GP6: variants seen among roughly 807,000 people sequenced by gnomAD.
The protein encoded by GP6 is glycoprotein VI platelet.
Under a neutral mutation model 37.3 loss-of-function variants are expected in GP6, and 45 were observed. The ratio of observed to expected loss-of-function variants is 1.21; its 90% CI spans 0.95 to 1.55. The LOEUF (loss-of-function observed/expected upper bound fraction) is 1.55, where lower values mean the gene tolerates loss of function less well. Ranked by LOEUF, GP6 falls within the 40% of genes most tolerant of loss-of-function variation. GP6 has a pLI of 0.00. For synonymous variants in GP6, 340 were observed against 316.4 expected (o/e 1.07, Z -0.79); for missense variants, 813 against 760.2 (o/e 1.07, Z -0.82).
At position 55,015,166 on chromosome 19, in the gene GP6, C is replaced by G. The variant is rs2073824403; in HGVS notation, c.780-1G>C. The G allele has an allele frequency of 1.9e-6, 3 of 1,555,906 alleles. No homozygotes were observed. Among genetic ancestry groups the G allele is most frequent in the African/African-American group, 1.4e-5 (1 of 73,360 alleles). ...TTGGTGTAGTACTGGCGGGCAGGAC[C>G]TGGAGGAATGAGGAGAGGCAGGAGC... On this transcript the variant is annotated splice_acceptor_variant, in intron 7 of 7. Transcript: ENST00000310373. LOFTEE classifies it high-confidence loss of function.
intron 6 of GP6, among the ~76,000 whole-genome samples, chr19:55,017,151 CTG>C (rs2073906785): frequency 6.7e-6 from 1 of 149,240 alleles, no homozygotes; most frequent in Non-Finnish European, 1.5e-5. Flanking sequence ...GAGTCTCACT[CTG>C]TTGCCCAGGC....
rs2074595901 is a variant in GP6, at chr19:55,032,371, C to T, written c.93G>A (p.Gln31=). Residue 31 remains glutamine, a synonymous_variant, in exon 3 of 8, where the codon CAG becomes CAA. Coordinates refer to ENST00000310373, the MANE Select transcript of GP6 (RefSeq NM_001083899.2). The stretch of plus-strand genomic sequence containing the variant: ...GGGGCACCAGGGAGCTGGGCAGAGC[C>T]TGGAGGGAGGGCTTGGGGAGCGGTC... The T allele has an allele frequency of 6.2e-7, 1 of 1,613,620 alleles. No individual in the cohort carries two copies. Among genetic ancestry groups the T allele is most frequent in the Non-Finnish European group, 8.5e-7 (1 of 1,179,760 alleles).
intron 5 of GP6, among the ~76,000 whole-genome samples, chr19:55,021,736 G>A (rs2146757500): frequency 6.6e-6 from 1 of 152,086 alleles, no homozygotes; most frequent in East Asian, 1.9e-4. Context: ...TAGCCAGGAT[G>A]GTCTCGATCT....
Position 55,024,300 on chromosome 19 carries a change from G to GCACACACACGCACGCA in GP6, c.664+917_664+918insTGCGTGCGTGTGTGTG, listed in dbSNP as rs369345826. ...TGCACACACACACATATGCACGCATGCACACACATATGCACGCACACACAC... is the reference window on the plus strand; with the variant it reads ...TGCACACACACACATATGCACGCATGCACACACACGCACGCACACACACATATGCACGCACACACAC... On this transcript the variant is annotated intron_variant, in intron 5 of 7. Transcript: ENST00000310373. Among the ~76,000 whole-genome samples, 8 of 121,968 alleles carry GCACACACACGCACGCA rather than the reference G, an allele frequency of 6.6e-5. 1 individual carries two copies. The highest frequency in any genetic ancestry group is 9.2e-5 in the African/African-American group (3 of 32,518). 80.0% of individuals were successfully genotyped at this position (121,968 alleles called of 152,430 possible).
At chr19:55,030,771 T>G (rs1187282335) in intron 3 of GP6, among the ~76,000 whole-genome samples, 1 of 152,074 alleles carries the variant, frequency 6.6e-6, no homozygotes, top group East Asian at 1.9e-4. Flanking sequence ...GGAACAGAAA[T>G]AGGATATTAG....
chr19:55,018,888 T>G, intron 5 of GP6, 177 bp from the exon 6 acceptor site: 1 of 674,932 alleles, frequency 1.5e-6, no homozygotes, highest in South Asian at 1.6e-5. Flanking sequence ...ACCGGCTTAG[T>G]AAGAAGCAGA....
At chr19:55,030,690 A>G (rs2074530849) in intron 3 of GP6, among the ~76,000 whole-genome samples, 1 of 152,148 alleles carries the variant, frequency 6.6e-6, no homozygotes, top group Admixed American at 6.5e-5. Flanking sequence ...AGAAATTAGA[A>G]TATTTGCACC....
At chr19:55,028,681 A>T (rs1414970917) in intron 3 of GP6, among the ~76,000 whole-genome samples, 2 of 152,216 alleles carry the variant, frequency 1.3e-5, no homozygotes, top group African/African-American at 4.8e-5. Context: ...AAAAATAAAT[A>T]AAAAACTTGT....
rs183632288 is a variant in GP6, at chr19:55,023,103, T to G, written c.664+2115A>C. ...GAGGCCTCAGGCTCAGACTTCAGAC[T>G]ATATTACAAGGTGATAGTAACCAAA... is the stretch of plus-strand genomic sequence containing the variant. On this transcript the variant is annotated intron_variant, in intron 5 of 7. Transcript: ENST00000310373. Among the ~76,000 whole-genome samples the G allele has an allele frequency of 2.3e-3, 347 of 152,242 alleles. 3 individuals carry two copies. The highest frequency in any genetic ancestry group is 0.019 in the Admixed American group (295 of 15,286).
chr19:55,019,788 C>G (rs1265699486), intron 5 of GP6, among the ~76,000 whole-genome samples: 1 of 151,262 alleles, frequency 6.6e-6, no homozygotes, highest in Non-Finnish European at 1.5e-5. Flanking sequence ...CACCATTATC[C>G]TGCCTCAGCC....
At chr19:55,030,892 A>C (rs1374887535) in intron 3 of GP6, among the ~76,000 whole-genome samples, 2 of 152,092 alleles carry the variant, frequency 1.3e-5, no homozygotes, top group African/African-American at 4.8e-5. Context: ...TCTGTCACCC[A>C]GGCTGGAGTG....
At chr19:55,032,095 A>G in intron 3 of GP6, 44 bp downstream of exon 3, 1 of 1,602,578 alleles carries the variant, frequency 6.2e-7, no homozygotes, top group Non-Finnish European at 8.5e-7. Flanking sequence ...TGTGTCCTGA[A>G]CGGAGGACCA....
Position 55,027,778 on chromosome 19 carries a change from C to G in GP6, c.410G>C (p.Arg137Pro), listed in dbSNP as rs773642386. 2 of 1,613,830 alleles carry G rather than the reference C, an allele frequency of 1.2e-6. No homozygotes were observed. Among genetic ancestry groups the G allele is most frequent in the Non-Finnish European group, 1.7e-6 (2 of 1,179,696 alleles). ...CAGAGCAAATTGGTCAAAGCCATAC[C>G]GAGTCTGACACTGTAGGGTTACGTC... Residue 137 changes from arginine (R) to proline (P), a missense_variant, in exon 4 of 8, where the codon CGG (arginine) becomes CCG (proline). Arg to Pro is a moderately radical substitution (Grantham distance 103, BLOSUM62 -2). Coordinates refer to ENST00000310373, the MANE Select transcript of GP6 (RefSeq NM_001083899.2).
At chr19:55,024,360 A>ACGCACACACG (rs1555799006) in intron 5 of GP6, among the ~76,000 whole-genome samples, 8 of 130,572 alleles carry the variant, frequency 6.1e-5, no homozygotes, top group East Asian at 4.2e-4. Flanking sequence ...ACGCACACAC[A>ACGCACACACG]CATATGCACG....
In GP6 at chr19:55,032,273, G is replaced by A. The variant is rs772847163; in HGVS notation, c.191C>T (p.Ser64Phe). 1 of 1,614,172 alleles carries A rather than the reference G, an allele frequency of 6.2e-7. No homozygotes were observed. Among genetic ancestry groups the A allele is most frequent in the Non-Finnish European group, 8.5e-7 (1 of 1,180,028 alleles). The change falls in exon 3 of 8, where the codon TCC becomes TTC. Residue 64 changes from serine (S) to phenylalanine (F), a missense_variant. Coordinates refer to ENST00000310373, the MANE Select transcript of GP6 (RefSeq NM_001083899.2). ...GACTGCCTGATCCTGGTACCTGCTG[G>A]AACTCAGCTTCTCCAGGCGGTACAG...
chr19:55,018,665 T>A lies in GP6; in HGVS notation c.711A>T (p.Glu237Asp), dbSNP rs1428611327. The change falls in exon 6 of 8, where the codon GAA becomes GAT. Residue 237 changes from glutamate (E) to aspartate (D), a missense_variant. Glu to Asp is a conservative substitution (Grantham distance 45). Coordinates refer to ENST00000310373, the MANE Select transcript of GP6 (RefSeq NM_001083899.2). ...CTGGTTACTCACCAGTTGTGAAGAC[T>A]TCGTTTGTGAATGAGACGGTCAGTT... 1.9e-6 allele frequency: 3 copies of A among 1,600,106 alleles called. No homozygotes were observed. The highest frequency in any genetic ancestry group is 2.6e-6 in the Non-Finnish European group (3 of 1,167,290).
chr19:55,036,748 C>T (rs936712877), intron 1 of GP6, among the ~76,000 whole-genome samples: 4 of 152,008 alleles, frequency 2.6e-5, no homozygotes, highest in Non-Finnish European at 5.9e-5. Context: ...TGCGGTGGCT[C>T]ACGCCTGTAA....
At position 55,018,682 on chromosome 19, in the gene GP6, C is replaced by A; in HGVS notation, c.694G>T (p.Val232Phe). Reference sequence around the variant, plus strand: ...GTGAAGACTTCGTTTGTGAATGAGACGGTCAGTTCAGCGGTGGCTTCTGAG... The same window carrying A: ...GTGAAGACTTCGTTTGTGAATGAGAAGGTCAGTTCAGCGGTGGCTTCTGAG... The change falls in exon 6 of 8, where the codon GTC (valine) becomes TTC (phenylalanine). Residue 232 changes from valine (V) to phenylalanine (F), a missense_variant. Coordinates refer to ENST00000310373, the MANE Select transcript of GP6 (RefSeq NM_001083899.2). 6.2e-7 allele frequency: 1 copy of A among 1,608,898 alleles called. No individual in the cohort carries two copies. The highest frequency in any genetic ancestry group is 1.1e-5 in the South Asian group (1 of 90,990).
chr19:55,022,511 T>A (rs1397954889), intron 5 of GP6, among the ~76,000 whole-genome samples: 3 of 152,156 alleles, frequency 2.0e-5, no homozygotes, highest in African/African-American at 7.2e-5. Context: ...CTGGCCAGGA[T>A]AATCAGGCAA....
Sources: allele counts gnomAD v4.1 joint callset (sites outside exome capture counted in the v4.1 genomes callset), GRCh38; gene constraint gnomAD v4.1.1; transcripts MANE v1.5; gene names NCBI Gene and HGNC (gene_info 2026-07-23, HGNC 2026-07-21).